The following HDAC9 variants were observed in gnomAD, a reference collection of about 807,000 sequenced individuals.
HDAC9 encodes the protein MEF-2 interacting transcription repressor (MITR) protein.
A neutral mutation model predicts 139.4 loss-of-function variants in HDAC9; 41 were observed. The ratio of observed to expected loss-of-function variants is 0.29; its 90% CI spans 0.23 to 0.38. The LOEUF is 0.38. Ranked by LOEUF, HDAC9 falls within the 10% of genes least tolerant of loss-of-function variation. The pLI is 1.00. For synonymous variants in HDAC9, 517 were observed against 476.2 expected (o/e 1.09, Z -1.12); for missense variants, 1,147 against 1,297.0 (o/e 0.88, Z 1.78).
chr7:18,119,009 T>C (rs559621639), intron 1 of HDAC9, among the ~76,000 whole-genome samples: 6 of 152,214 alleles, frequency 3.9e-5, no homozygotes, highest in Non-Finnish European at 8.8e-5. Flanking sequence ...GAATATTTTA[T>C]CTGAAGCTCT....
At chr7:18,870,184 C>A (rs1173677762) in intron 21 of HDAC9, among the ~76,000 whole-genome samples, 1 of 152,094 alleles carries the variant, frequency 6.6e-6, no homozygotes, top group African/African-American at 2.4e-5. Context: ...CTTATCTAAA[C>A]TACAGATTTT....
chr7:18,853,372 G>C (rs530930982), intron 21 of HDAC9, among the ~76,000 whole-genome samples: 1 of 151,988 alleles, frequency 6.6e-6, no homozygotes, highest in South Asian at 2.1e-4. Flanking sequence ...TGAGTTTGGG[G>C]GTTTCTTACC....
chr7:18,842,339 A>G lies in HDAC9; in HGVS notation c.2684+6342A>G, dbSNP rs1374997232. Among the ~76,000 whole-genome samples, 5 of 152,256 alleles carry G rather than the reference A, an allele frequency of 3.3e-5. No individual in the cohort carries two copies. In the East Asian group the frequency reaches 9.6e-4, roughly 29 times the overall value. On this transcript the variant is annotated intron_variant, in intron 21 of 25. Coordinates refer to ENST00000686413, the MANE Select transcript of HDAC9 (RefSeq NM_178425.4). ...TACCATCTTTCCCAGACCATTTATCATACCTCACAAATCCAGCCCACATTT... is the reference window on the plus strand; with the variant it reads ...TACCATCTTTCCCAGACCATTTATCGTACCTCACAAATCCAGCCCACATTT...
rs553823897 is a variant in HDAC9 at position 18,910,660 on chromosome 7, C to A, written c.2804-25149C>A. On this transcript the variant is annotated intron_variant, in intron 22 of 25. Coordinates refer to ENST00000686413, the MANE Select transcript of HDAC9 (RefSeq NM_178425.4). Reference sequence around the variant, plus strand: ...AGCTTTCAGCATTCAGTATAGTATTCATCACAGTTGGCTGCGGGTTCAAAT... The same window carrying A: ...AGCTTTCAGCATTCAGTATAGTATTAATCACAGTTGGCTGCGGGTTCAAAT... Among the ~76,000 whole-genome samples the A allele has an allele frequency of 1.1e-4, 17 of 151,892 alleles. No individual in the cohort carries two copies. In the South Asian group the frequency reaches 3.5e-3, roughly 32 times the overall value.
chr7:18,590,665 T>C (rs1830690972), intron 4 of HDAC9, among the ~76,000 whole-genome samples, 179 bp downstream of exon 4: 1 of 152,216 alleles, frequency 6.6e-6, no homozygotes, highest in African/African-American at 2.4e-5. Flanking sequence ...CTCACATCAT[T>C]GAGTCTGCAG....
chr7:18,696,818 G>A (rs1187436634), intron 12 of HDAC9, among the ~76,000 whole-genome samples: 1 of 151,780 alleles, frequency 6.6e-6, no homozygotes, highest in Non-Finnish European at 1.5e-5. Context: ...TACAATTACA[G>A]GTGAGATTCA....
intron 1 of HDAC9, among the ~76,000 whole-genome samples, chr7:18,094,987 A>AT (rs1453367878): frequency 6.6e-6 from 1 of 152,042 alleles, no homozygotes; most frequent in Non-Finnish European, 1.5e-5. Flanking sequence ...TCTATAGCTG[A>AT]TTTTTTCCAC....
chr7:18,873,502 C>T (rs1005603311), intron 21 of HDAC9, among the ~76,000 whole-genome samples: 1 of 151,874 alleles, frequency 6.6e-6, no homozygotes, highest in Non-Finnish European at 1.5e-5. Context: ...AAAATTCATA[C>T]GTAATCATTG....
At chr7:18,289,403 A>G (rs986203102), upstream of HDAC9, among the ~76,000 whole-genome samples, 1 of 152,208 alleles carries the variant, frequency 6.6e-6, no homozygotes, top group Non-Finnish European at 1.5e-5. Context: ...AAGGGTATCA[A>G]TGACAGAATT....
At chr7:18,454,095 A>T (rs886438540) in intron 1 of HDAC9, among the ~76,000 whole-genome samples, 4 of 152,134 alleles carry the variant, frequency 2.6e-5, no homozygotes, top group African/African-American at 9.7e-5. Context: ...AAATTTTCTG[A>T]AGTGTTAATT....
chr7:18,482,821 G>A (rs1014065209), intron 1 of HDAC9, among the ~76,000 whole-genome samples: 2 of 152,118 alleles, frequency 1.3e-5, no homozygotes, highest in Non-Finnish European at 2.9e-5. Flanking sequence ...GCCCTCTCTG[G>A]TCATGCCCAC....
chr7:18,886,158 C>T (rs1563022523), intron 22 of HDAC9, among the ~76,000 whole-genome samples: 1 of 151,658 alleles, frequency 6.6e-6, no homozygotes, highest in African/African-American at 2.4e-5. Context: ...GCTCCATGTT[C>T]GCTCTTACTC....
chr7:18,798,166 C>T (rs1203278160), intron 17 of HDAC9, among the ~76,000 whole-genome samples: 3 of 152,138 alleles, frequency 2.0e-5, no homozygotes, highest in South Asian at 2.1e-4. Context: ...TAAAACAGTC[C>T]GCTCCTAGGC....
intron 1 of HDAC9, among the ~76,000 whole-genome samples, chr7:18,146,163 G>A (rs768238852): frequency 1.3e-5 from 2 of 152,124 alleles, no homozygotes; most frequent in African/African-American, 4.8e-5. Flanking sequence ...GAATAAATAC[G>A]GCATCAATTA....
intron 1 of HDAC9, among the ~76,000 whole-genome samples, chr7:18,485,284 A>C (rs1314370892): frequency 6.6e-6 from 1 of 152,098 alleles, no homozygotes; most frequent in Non-Finnish European, 1.5e-5. Flanking sequence ...AGAATATAGC[A>C]AATAGCCCAG....
chr7:18,936,799 T>G (rs551675282), intron 23 of HDAC9, among the ~76,000 whole-genome samples: 8 of 152,050 alleles, frequency 5.3e-5, no homozygotes, highest in Admixed American at 3.3e-4. Flanking sequence ...ATTCATATCA[T>G]TTTTTTAACT....
chr7:18,637,440 G>A (rs1359819954), intron 8 of HDAC9, among the ~76,000 whole-genome samples: 1 of 151,890 alleles, frequency 6.6e-6, no homozygotes, highest in African/African-American at 2.4e-5. Context: ...ATCTGTTTAG[G>A]TACCCTAGCT....
At position 18,523,757 on chromosome 7, in the gene HDAC9, C is replaced by A. The variant is rs529717713; in HGVS notation, c.22+27433C>A. ...GTTCATGAGTTGGGAGAGAAAGGTG[C>A]ACCATCACATAGAGTAGTTAGAGTA... On this transcript the variant is annotated intron_variant, in intron 2 of 25. Transcript: ENST00000686413. 3.9e-5 allele frequency among the ~76,000 whole-genome samples: 6 copies of A among 152,228 alleles called. No homozygotes were observed. The South Asian group carries it at 1.2e-3, about 32-fold the overall frequency.
chr7:18,254,836 A>T (rs900295789), intron 2 of HDAC9, among the ~76,000 whole-genome samples: 1 of 152,180 alleles, frequency 6.6e-6, no homozygotes, highest in South Asian at 2.1e-4. Context: ...GGTGAGTACT[A>T]TTGTGTGGAT....
Sources: allele counts gnomAD v4.1 joint callset (sites outside exome capture counted in the v4.1 genomes callset), GRCh38; gene constraint gnomAD v4.1.1; transcripts MANE v1.5; gene names NCBI Gene and HGNC (gene_info 2026-07-23, HGNC 2026-07-21).